The following DAGLB variants were observed in gnomAD, a reference collection of about 807,000 sequenced individuals.
DAGLB encodes diacylglycerol lipase beta.
Under a neutral mutation model 72.1 loss-of-function variants are expected in DAGLB, and 66 were observed. That is an observed-to-expected ratio of 0.92 (90% CI 0.75 to 1.12). DAGLB has a LOEUF of 1.12. Among genes scored for constraint, DAGLB ranks in the 50% most tolerant of loss-of-function variants. The pLI, the probability that DAGLB is intolerant of heterozygous loss-of-function variation, is 0.00. For missense variants in DAGLB, 1,065 were observed against 884.9 expected (o/e 1.20, Z -2.58); for synonymous variants, 414 against 359.5 (o/e 1.15, Z -1.71).
chr7:6,434,644 C>T, intron 4 of DAGLB, 118 bp downstream of exon 4: 2 of 1,518,884 alleles, frequency 1.3e-6, no homozygotes, highest in Non-Finnish European at 1.8e-6. Context: ...GGCCACCCCC[C>T]ACACACCCAA....
At chr7:6,410,509 AG>A in intron 13 of DAGLB, 129 bp from the exon 14 acceptor site, 1 of 1,373,994 alleles carries the variant, frequency 7.3e-7, no homozygotes, top group Non-Finnish European at 9.7e-7. Context: ...GGAAGACTCC[AG>A]CAAAGATGCA....
rs1421018698 is a variant in DAGLB at position 6,424,809 on chromosome 7, A to C, written c.1083T>G (p.Ala361=). 6.2e-7 allele frequency: 1 copy of C among 1,613,930 alleles called. No homozygotes were observed. ...DKVYELPFLV[A]LDHRKESVVV... ...CAACAGACTCTTTCCTGTGATCCAG[A>C]GCCACTAAAAACGGCAGCTCGTAAA... is the stretch of plus-strand genomic sequence containing the variant. The change falls in exon 8 of 15, where the codon GCT becomes GCG. Residue 361 remains alanine (A), a synonymous_variant. Transcript: ENST00000297056.
chr7:6,427,099 C>T (rs1237955089), intron 6 of DAGLB, among the ~76,000 whole-genome samples: 4 of 152,048 alleles, frequency 2.6e-5, no homozygotes, highest in African/African-American at 9.7e-5. Flanking sequence ...CAGAGTGAGA[C>T]TCCGTCTCAA....
intron 9 of DAGLB, among the ~76,000 whole-genome samples, chr7:6,417,963 T>C (rs1417723437): frequency 1.3e-5 from 2 of 152,030 alleles, no homozygotes; most frequent in South Asian, 2.1e-4. Flanking sequence ...CTCTGCCTCC[T>C]GGGTTCAAGC....
rs917812207 is a variant in DAGLB at position 6,447,934 on chromosome 7, T to C, written c.-92A>G. On this transcript the variant is annotated 5_prime_UTR_variant, in exon 1 of 15. Coordinates refer to ENST00000297056, the MANE Select transcript of DAGLB (RefSeq NM_139179.4). ...CCCTCCGGACGCCGCCACCAAATTA[T>C]CGGCGCTCAAGCGCAAACGCAGCGA... 2.0e-6 allele frequency: 3 copies of C among 1,466,484 alleles called. No homozygotes were observed. Among genetic ancestry groups the C allele is most frequent in the African/African-American group, 1.4e-5 (1 of 69,404 alleles). 90.8% of individuals were successfully genotyped at this position (1,466,484 alleles called of 1,614,324 possible). A position where few individuals can be genotyped will look rare whatever the true frequency, so the allele number is the denominator to read the frequency against.
chr7:6,413,751 C>G (rs1302763876), intron 11 of DAGLB, among the ~76,000 whole-genome samples: 1 of 152,206 alleles, frequency 6.6e-6, no homozygotes, highest in East Asian at 1.9e-4. Context: ...ATCCACAGAA[C>G]TGCCTTCAGC....
chr7:6,423,367 A>G (rs1784194790), intron 8 of DAGLB, among the ~76,000 whole-genome samples: 1 of 152,202 alleles, frequency 6.6e-6, no homozygotes, highest in South Asian at 2.1e-4. Flanking sequence ...AGAGAGGGCC[A>G]CATAGGCTGG....
chr7:6,434,468 G>A, intron 4 of DAGLB, among the ~76,000 whole-genome samples: 1 of 152,102 alleles, frequency 6.6e-6, no homozygotes, highest in Non-Finnish European at 1.5e-5. Flanking sequence ...TTCTCAAAGG[G>A]TACAGCGTCC....
chr7:6,437,371 C>A (rs836540), intron 2 of DAGLB, among the ~76,000 whole-genome samples: 63,366 of 151,732 alleles, frequency 0.42, 17,261 homozygotes, highest in African/African-American at 0.74. Context: ...CCCACAATGA[C>A]TGGGTTAGTC....
At chr7:6,435,142 G>C in intron 3 of DAGLB, 122 bp from the exon 4 acceptor site, 4 of 1,419,122 alleles carry the variant, frequency 2.8e-6, no homozygotes, top group South Asian at 2.7e-5. Context: ...TGTTACCGAG[G>C]AAGATGCAGC....
chr7:6,438,112 C>G (rs1364791209), intron 2 of DAGLB, among the ~76,000 whole-genome samples: 1 of 151,586 alleles, frequency 6.6e-6, no homozygotes, highest in Admixed American at 6.6e-5. Context: ...GACAGAAAAC[C>G]AAACACCGCA....
At position 6,416,736 on chromosome 7, in the gene DAGLB, CTA is replaced by C; in HGVS notation, c.1316_1317del (p.Ile439SerfsTer82). Reference protein sequence around the residue: ...FSIAPEYRLVIVGHSLGGGAA... With the variant: ...FSIAPEYRLVXVGHSLGGGAA... ...GCCCCGCCCCCGAGGCTGTGGCCCA[CTA>C]TGACCAGCCGGTACTCCTAGAGGAC... On this transcript the variant is annotated frameshift_variant, in exon 11 of 15. Transcript: ENST00000297056. LOFTEE classifies it high-confidence loss of function. 1.2e-6 allele frequency: 2 copies of C among 1,613,750 alleles called. No homozygotes were observed. Among genetic ancestry groups the C allele is most frequent in the Non-Finnish European group, 1.7e-6 (2 of 1,179,876 alleles).
At chr7:6,424,891 G>T (rs1275742034) in intron 7 of DAGLB, 56 bp from the exon 8 acceptor site, 1 of 1,568,072 alleles carries the variant, frequency 6.4e-7, no homozygotes, top group East Asian at 2.2e-5. Context: ...GCACCAGCAC[G>T]CAAAGTCGGA....
intron 6 of DAGLB, among the ~76,000 whole-genome samples, 182 bp downstream of exon 6, chr7:6,430,298 G>A (rs1320880308): frequency 9.3e-6 from 1 of 107,624 alleles, no homozygotes; most frequent in Admixed American, 9.1e-5. Flanking sequence ...GGGGAGGGAG[G>A]GAGGGAGAGA....
chr7:6,426,416 T>C (rs1169514960), intron 6 of DAGLB, among the ~76,000 whole-genome samples: 1 of 152,202 alleles, frequency 6.6e-6, no homozygotes, highest in Non-Finnish European at 1.5e-5. Context: ...ATTACATGCG[T>C]GCACCTCCAT....
intron 3 of DAGLB, 77 bp downstream of exon 3, chr7:6,436,283 ACT>A (rs760090943): frequency 4.5e-5 from 68 of 1,506,328 alleles, no homozygotes; most frequent in South Asian, 1.2e-4. Context: ...GGGACGCTGG[ACT>A]CTCTGTCATG....
At chr7:6,431,115 G>A (rs1258050272) in intron 5 of DAGLB, among the ~76,000 whole-genome samples, 1 of 151,766 alleles carries the variant, frequency 6.6e-6, no homozygotes, top group Non-Finnish European at 1.5e-5. Context: ...GCACGGGGAA[G>A]TTAACAGTAA....
chr7:6,424,927 C>T, intron 7 of DAGLB, 92 bp from the exon 8 acceptor site: 2 of 1,267,338 alleles, frequency 1.6e-6, no homozygotes, highest in Non-Finnish European at 2.3e-6. Context: ...CAATGACAGC[C>T]CAAGTCCTGC....
intron 2 of DAGLB, among the ~76,000 whole-genome samples, chr7:6,440,415 G>C (rs926964292): frequency 6.6e-6 from 1 of 151,476 alleles, no homozygotes; most frequent in Non-Finnish European, 1.5e-5. Flanking sequence ...TTCCTCAATT[G>C]AGCTACAGAA....
Sources: gnomAD v4.1 joint callset for allele counts (sites outside exome capture counted in the v4.1 genomes callset) on GRCh38, gnomAD v4.1.1 for gene constraint, MANE v1.5 for transcripts, NCBI Gene and HGNC (gene_info 2026-07-23, HGNC 2026-07-21) for gene names.